Variants in FHIT observed in about 807,000 individuals in gnomAD.
FHIT encodes the protein fragile histidine triad diadenosine triphosphatase, also known as bis(5'-adenosyl)-triphosphatase.
In FHIT, 19 loss-of-function variants were observed where a neutral mutation model predicts 17.9. That is an observed-to-expected ratio of 1.06 (90% confidence interval 0.74 to 1.56). The LOEUF is 1.56. Ranked by LOEUF, FHIT falls within the 40% of genes most tolerant of loss-of-function variation. The pLI is 0.00. For synonymous variants in FHIT, 81 were observed against 69.7 expected, an observed-to-expected ratio of 1.16 and a Z score of -0.81; for missense variants, 248 against 189.2, an observed-to-expected ratio of 1.31 and a Z score of -1.82.
intron 5 of FHIT, among the ~76,000 whole-genome samples, chr3:60,237,487 C>T (rs1381353185): frequency 2.6e-5 from 4 of 152,108 alleles, no homozygotes; most frequent in African/African-American, 9.7e-5. Context: ...GTTTAATTAT[C>T]AGAAGACAGG....
At chr3:60,100,207 A>G (rs1177400839) in intron 5 of FHIT, among the ~76,000 whole-genome samples, 1 of 152,124 alleles carries the variant, frequency 6.6e-6, no homozygotes, top group African/African-American at 2.4e-5. Context: ...CAATATGGTA[A>G]AACCCCGTCT....
chr3:60,231,405 G>T (rs995379648), intron 5 of FHIT, among the ~76,000 whole-genome samples: 1 of 152,120 alleles, frequency 6.6e-6, no homozygotes, highest in African/African-American at 2.4e-5. Flanking sequence ...CAGAAATACA[G>T]TATTACCAAC....
At chr3:60,806,758 G>C (rs1701404980) in intron 4 of FHIT, among the ~76,000 whole-genome samples, 1 of 152,130 alleles carries the variant, frequency 6.6e-6, no homozygotes, top group Non-Finnish European at 1.5e-5. Context: ...ACATGATATG[G>C]CACACGTAGC....
At chr3:60,174,581 G>T (rs549382658) in intron 5 of FHIT, among the ~76,000 whole-genome samples, 2 of 150,462 alleles carry the variant, frequency 1.3e-5, no homozygotes, top group Non-Finnish European at 3.0e-5. Context: ...AAAATCACAT[G>T]GCTAATGAGA....
At chr3:59,794,731 A>C (rs1258257083) in intron 8 of FHIT, among the ~76,000 whole-genome samples, 1 of 152,158 alleles carries the variant, frequency 6.6e-6, no homozygotes, top group Non-Finnish European at 1.5e-5. Flanking sequence ...AAATCTCACC[A>C]AATCCTTTGA....
At chr3:60,918,827 C>T (rs73097874) in intron 3 of FHIT, among the ~76,000 whole-genome samples, 6,761 of 152,280 alleles carry the variant, frequency 0.044, 199 homozygotes, top group South Asian at 0.087. Flanking sequence ...ATTAATTCAG[C>T]ATTAATTGTT....
intron 2 of FHIT, among the ~76,000 whole-genome samples, chr3:61,096,018 C>T (rs1447906826): frequency 6.6e-6 from 1 of 152,204 alleles, no homozygotes; most frequent in African/African-American, 2.4e-5. Context: ...CATCTGCACT[C>T]TACCTGACTT....
chr3:59,948,246 T>TTTGGGA (rs1559489599), intron 7 of FHIT, among the ~76,000 whole-genome samples: 1 of 151,370 alleles, frequency 6.6e-6, no homozygotes, highest in Non-Finnish European at 1.5e-5. Context: ...AGATCACACA[T>TTTGGGA]GTAATCCCAG....
chr3:60,828,616 T>C (rs1702207591), intron 3 of FHIT, among the ~76,000 whole-genome samples: 1 of 152,122 alleles, frequency 6.6e-6, no homozygotes, highest in Non-Finnish European at 1.5e-5. Context: ...TGGTGGCTCA[T>C]GCCTGTAATC....
chr3:60,861,977 T>C (rs1206695988), intron 3 of FHIT, among the ~76,000 whole-genome samples: 1 of 151,198 alleles, frequency 6.6e-6, no homozygotes, highest in Non-Finnish European at 1.5e-5. Context: ...TTGATCACTT[T>C]GGTAACCTAG....
chr3:61,141,046 T>C (rs964601429), intron 2 of FHIT, among the ~76,000 whole-genome samples: 4 of 152,230 alleles, frequency 2.6e-5, no homozygotes, highest in African/African-American at 9.6e-5. Context: ...AGTTTTACAA[T>C]TTGAGGATAC....
chr3:60,216,228 G>T (rs1382226468), intron 5 of FHIT, among the ~76,000 whole-genome samples: 1 of 152,142 alleles, frequency 6.6e-6, no homozygotes, highest in African/African-American at 2.4e-5. Context: ...AATTTATATA[G>T]AAACTGTGAC....
At chr3:60,708,421 C>A (rs1363822317) in intron 4 of FHIT, among the ~76,000 whole-genome samples, 1 of 152,152 alleles carries the variant, frequency 6.6e-6, no homozygotes, top group East Asian at 1.9e-4. Flanking sequence ...CCTATAGAAA[C>A]CCTTCCCAAG....
chr3:60,827,275 A>T (rs1316862509), intron 3 of FHIT, among the ~76,000 whole-genome samples: 2 of 152,200 alleles, frequency 1.3e-5, no homozygotes, highest in African/African-American at 4.8e-5. Flanking sequence ...CCAAACCTTC[A>T]AAGAAAAATC....
chr3:60,155,658 A>G (rs1408886558), intron 5 of FHIT, among the ~76,000 whole-genome samples: 1 of 152,208 alleles, frequency 6.6e-6, no homozygotes, highest in East Asian at 1.9e-4. Context: ...TGATCCAGGA[A>G]TGGGCTCCTG....
At chr3:59,951,031 T>C (rs1477377117) in intron 7 of FHIT, among the ~76,000 whole-genome samples, 1 of 152,198 alleles carries the variant, frequency 6.6e-6, no homozygotes, top group Non-Finnish European at 1.5e-5. Flanking sequence ...CCAGGCTTTG[T>C]ATTAAGGCTT....
intron 1 of FHIT, among the ~76,000 whole-genome samples, chr3:61,210,148 C>T (rs897489175): frequency 2.6e-5 from 4 of 152,196 alleles, no homozygotes; most frequent in African/African-American, 7.2e-5. Flanking sequence ...ACCGCAAATG[C>T]TACTGCTTGA....
intron 8 of FHIT, among the ~76,000 whole-genome samples, chr3:59,861,597 G>A (rs770781158): frequency 9.2e-5 from 14 of 152,138 alleles, no homozygotes; most frequent in Non-Finnish European, 1.6e-4. Context: ...CACAGATAAG[G>A]TCTCTGCACT....
intron 4 of FHIT, among the ~76,000 whole-genome samples, chr3:60,694,183 C>T (rs782477883): frequency 1.8e-4 from 28 of 152,094 alleles, no homozygotes; most frequent in Non-Finnish European, 2.8e-4. Context: ...CAGTAAGATG[C>T]TGACCTTTAC....
Sources: gnomAD v4.1 joint callset for allele counts (sites outside exome capture counted in the v4.1 genomes callset) on GRCh38, gnomAD v4.1.1 for gene constraint, MANE v1.5 for transcripts, NCBI Gene and HGNC (gene_info 2026-07-23, HGNC 2026-07-21) for gene names.